KIAA1217: variants seen among roughly 807,000 people sequenced by gnomAD.
The protein encoded by KIAA1217 is KIAA1217.
In KIAA1217, 88 loss-of-function variants were observed where a neutral mutation model predicts 163.9. The ratio of observed to expected loss-of-function variants is 0.54; its 90% CI spans 0.45 to 0.64. KIAA1217 has a LOEUF of 0.64. KIAA1217 is among the 30% of genes least tolerant of loss of function. The pLI, the probability that KIAA1217 is intolerant of heterozygous loss-of-function variation, is 0.00. For missense variants in KIAA1217, 2,372 were observed against 2,475.0 expected, an observed-to-expected ratio of 0.96 and a Z score of 0.88; for synonymous variants, 903 against 923.1, an observed-to-expected ratio of 0.98 and a Z score of 0.39.
intron 5 of KIAA1217, among the ~76,000 whole-genome samples, chr10:24,444,034 CAG>C (rs1212970663): frequency 1.3e-5 from 2 of 151,872 alleles, no homozygotes; most frequent in Admixed American, 6.6e-5. Context: ...TTTTCTGAGA[CAG>C]AGTCTCACTC....
intron 2 of KIAA1217, among the ~76,000 whole-genome samples, chr10:24,202,502 G>A (rs1352321579): frequency 3.3e-5 from 5 of 152,108 alleles, no homozygotes; most frequent in Non-Finnish European, 5.9e-5. Flanking sequence ...CCCTGTTCTC[G>A]GAGCCTCCAC....
intron 14 of KIAA1217, 82 bp downstream of exon 14, chr10:24,528,201 C>T (rs2072494836): frequency 9.1e-7 from 1 of 1,102,610 alleles, no homozygotes; most frequent in South Asian, 1.7e-5. Context: ...AGCACATACT[C>T]ATCAACAGAA....
At chr10:24,534,607 T>C (rs920363251) in intron 16 of KIAA1217, among the ~76,000 whole-genome samples, 6 of 152,078 alleles carry the variant, frequency 3.9e-5, no homozygotes, top group Admixed American at 3.3e-4. Context: ...TGGCCAGGCA[T>C]GGTGGCTCAT....
chr10:24,204,570 G>A (rs1434114146), upstream of KIAA1217, among the ~76,000 whole-genome samples: 4 of 152,200 alleles, frequency 2.6e-5, no homozygotes, highest in Admixed American at 1.3e-4. Context: ...GGAAACCTAA[G>A]GCGCCCAGAG....
At chr10:23,735,801 T>C (rs1838763721) in intron 1 of KIAA1217, among the ~76,000 whole-genome samples, 1 of 152,202 alleles carries the variant, frequency 6.6e-6, no homozygotes, top group Admixed American at 6.5e-5. Flanking sequence ...TGACATACAA[T>C]AAATGACACA....
chr10:23,862,932 C>G (rs558265378), intron 1 of KIAA1217, among the ~76,000 whole-genome samples: 6 of 152,292 alleles, frequency 3.9e-5, no homozygotes, highest in African/African-American at 1.4e-4. Flanking sequence ...CCATTGAAGT[C>G]AGACCTTAAC....
At chr10:23,824,658 A>ATATATATATATAT (rs1379535101) in intron 1 of KIAA1217, among the ~76,000 whole-genome samples, 1 of 53,040 alleles carries the variant, frequency 1.9e-5, no homozygotes, top group African/African-American at 6.5e-5. Flanking sequence ...AAATAAAAAA[A>ATATATATATATAT]ATATATATAT....
chr10:24,341,491 T>C (rs1337101701), intron 2 of KIAA1217, among the ~76,000 whole-genome samples: 1 of 152,252 alleles, frequency 6.6e-6, no homozygotes, highest in Non-Finnish European at 1.5e-5. Flanking sequence ...AGACTTGATG[T>C]TCATTTCATT....
At chr10:24,532,169 C>CCCGGT (rs1408349755) in intron 15 of KIAA1217, among the ~76,000 whole-genome samples, 176 bp downstream of exon 15, 1 of 152,176 alleles carries the variant, frequency 6.6e-6, no homozygotes, top group Non-Finnish European at 1.5e-5. Context: ...TTGGACTAGA[C>CCCGGT]CCAGACCATG....
At chr10:24,511,493 T>G (rs1229921996) in intron 9 of KIAA1217, among the ~76,000 whole-genome samples, 1 of 151,902 alleles carries the variant, frequency 6.6e-6, no homozygotes, top group Admixed American at 6.6e-5. Context: ...AAATTCAAAA[T>G]TAGCCGGGTG....
intron 1 of KIAA1217, among the ~76,000 whole-genome samples, chr10:24,210,549 G>A (rs1034930365): frequency 2.0e-5 from 3 of 148,438 alleles, no homozygotes; most frequent in Non-Finnish European, 4.4e-5. Flanking sequence ...AGATGACTCA[G>A]ATTCTAGAGG....
At chr10:24,267,984 G>T (rs1736735807) in intron 2 of KIAA1217, among the ~76,000 whole-genome samples, 2 of 152,196 alleles carry the variant, frequency 1.3e-5, no homozygotes, top group Admixed American at 6.5e-5. Flanking sequence ...CCCTGTAATT[G>T]GCAGTTGTAA....
At position 24,377,835 on chromosome 10, in the gene KIAA1217, G is replaced by A. The variant is rs74847542; in HGVS notation, c.355-3034G>A. 9.4e-3 allele frequency among the ~76,000 whole-genome samples: 1,438 copies of A among 152,248 alleles called. 48 individuals are homozygous for A. In the East Asian group the frequency reaches 0.099, roughly 11 times the overall value. ...GAGCATCCTAGCAGCTTAGCCAGGA[G>A]GAACCATTAGAATTGGTGTTGGTCA... On this transcript the variant is annotated intron_variant, in intron 2 of 20. Coordinates refer to ENST00000376454, the MANE Select transcript of KIAA1217 (RefSeq NM_019590.5).
chr10:23,720,154 A>G lies in KIAA1217; in HGVS notation c.-321+24920A>G, dbSNP rs1487137210. On this transcript the variant is annotated intron_variant, in intron 1 of 18. Coordinates refer to the KIAA1217 transcript ENST00000376462. ...TGTACTAAATGCCACTGAATTGTATAATTAAGAATGGGTAATTTTATGTTA... is the reference window on the plus strand; with the variant it reads ...TGTACTAAATGCCACTGAATTGTATGATTAAGAATGGGTAATTTTATGTTA... 2.0e-5 allele frequency among the ~76,000 whole-genome samples: 3 copies of G among 152,110 alleles called. No individual in the cohort carries two copies. The East Asian group carries it at 5.8e-4, about 29-fold the overall frequency.
At chr10:24,196,683 G>A (rs1335166637) in intron 2 of KIAA1217, among the ~76,000 whole-genome samples, 1 of 152,132 alleles carries the variant, frequency 6.6e-6, no homozygotes, top group Non-Finnish European at 1.5e-5. Flanking sequence ...GCGTCCCCTT[G>A]GACTTCTCCA....
At chr10:24,425,400 T>A (rs1291590196) in intron 3 of KIAA1217, among the ~76,000 whole-genome samples, 1 of 152,194 alleles carries the variant, frequency 6.6e-6, no homozygotes, top group African/African-American at 2.4e-5. Flanking sequence ...ATGTTGTTAT[T>A]CTTGTTCTTA....
At chr10:23,883,512 G>T (rs1841042022) in intron 1 of KIAA1217, among the ~76,000 whole-genome samples, 1 of 151,888 alleles carries the variant, frequency 6.6e-6, no homozygotes, top group South Asian at 2.1e-4. Flanking sequence ...AAACTGAGTA[G>T]AGGGTACAGA....
intron 1 of KIAA1217, among the ~76,000 whole-genome samples, chr10:23,792,770 G>A (rs1390837344): frequency 2.0e-5 from 3 of 151,894 alleles, no homozygotes; most frequent in Admixed American, 2.0e-4. Flanking sequence ...CCAAAGTACT[G>A]GGATTACAGG....
At chr10:24,085,885 A>C (rs1435700885) in intron 2 of KIAA1217, among the ~76,000 whole-genome samples, 1 of 152,004 alleles carries the variant, frequency 6.6e-6, no homozygotes, top group Admixed American at 6.6e-5. Context: ...AGGTGAGAGG[A>C]TCACTTAAGC....
Sources: allele counts gnomAD v4.1 joint callset (sites outside exome capture counted in the v4.1 genomes callset), GRCh38; gene constraint gnomAD v4.1.1; transcripts MANE v1.5; gene names NCBI Gene and HGNC (gene_info 2026-07-23, HGNC 2026-07-21).